Variants in MYO9A observed in about 807,000 individuals in gnomAD.
MYO9A encodes unconventional myosin-IXa.
In MYO9A, 103 loss-of-function variants were observed where a neutral mutation model predicts 293.3. That is an observed-to-expected ratio of 0.35 (90% CI 0.30 to 0.41). The LOEUF (loss-of-function observed/expected upper bound fraction) is 0.41, where lower values mean the gene tolerates loss of function less well. Ranked by LOEUF, MYO9A falls within the 10% of genes least tolerant of loss-of-function variation. The probability of loss-of-function intolerance (pLI) is 1.00; values close to 1 mark genes in which losing one functional copy is unlikely to be tolerated. For synonymous variants in MYO9A, 1,001 were observed against 1,035.7 expected, an observed-to-expected ratio of 0.97 and a Z score of 0.64; for missense variants, 2,685 against 3,033.0, an observed-to-expected ratio of 0.89 and a Z score of 2.69.
At chr15:72,052,766 C>T (rs115438406) in intron 1 of MYO9A, among the ~76,000 whole-genome samples, 2,265 of 152,304 alleles carry the variant, frequency 0.015, 55 homozygotes, top group African/African-American at 0.051. Context: ...GAGCTGCCTG[C>T]CCCGCTGCAG....
intron 2 of MYO9A, among the ~76,000 whole-genome samples, chr15:72,038,115 TCTCACCCATGTTGC>T (rs2078112720): frequency 6.6e-6 from 1 of 151,934 alleles, no homozygotes; most frequent in South Asian, 2.1e-4. Context: ...AGAGACAGGG[TCTCACCCATGTTGC>T]CTAGGCTGGT....
chr15:71,979,754 ACT>A (rs1195521253), intron 11 of MYO9A, among the ~76,000 whole-genome samples: 2 of 152,222 alleles, frequency 1.3e-5, no homozygotes, highest in Non-Finnish European at 2.9e-5. Context: ...AGTGTGCCAA[ACT>A]CTGCTACAAA....
chr15:71,970,409 T>A (rs1189321520), intron 12 of MYO9A, among the ~76,000 whole-genome samples: 1 of 152,164 alleles, frequency 6.6e-6, no homozygotes, highest in African/African-American at 2.4e-5. Flanking sequence ...ACACACTGCA[T>A]GAAGAACACA....
At chr15:71,925,391 G>A (rs183134976) in intron 18 of MYO9A, among the ~76,000 whole-genome samples, 2 of 150,394 alleles carry the variant, frequency 1.3e-5, no homozygotes, top group East Asian at 3.9e-4. Flanking sequence ...ACGTGTATAT[G>A]GATATATACG....
chr15:71,827,784 A>T, intron 41 of MYO9A, 100 bp downstream of exon 41: 1 of 1,293,474 alleles, frequency 7.7e-7, no homozygotes, highest in Non-Finnish European at 1.1e-6. Flanking sequence ...TTGCTGATGT[A>T]CAGTCAGTAA....
intron 13 of MYO9A, among the ~76,000 whole-genome samples, chr15:71,964,299 T>C (rs1399535415): frequency 6.6e-6 from 1 of 152,208 alleles, no homozygotes; most frequent in African/African-American, 2.4e-5. Context: ...ACCCTTTCTC[T>C]AATTCCTTTG....
intron 15 of MYO9A, among the ~76,000 whole-genome samples, chr15:71,941,432 C>G (rs1387902625): frequency 6.6e-6 from 1 of 152,174 alleles, no homozygotes; most frequent in African/African-American, 2.4e-5. Context: ...AAGACTCCAT[C>G]TCAAAAACAA....
At chr15:71,895,159 T>C (rs1001403968) in intron 25 of MYO9A, among the ~76,000 whole-genome samples, 1 of 152,236 alleles carries the variant, frequency 6.6e-6, no homozygotes, top group Non-Finnish European at 1.5e-5. Flanking sequence ...GTACAATGTG[T>C]ATAAGCCTAG....
At chr15:72,110,985 C>G (rs978689424) in intron 1 of MYO9A, among the ~76,000 whole-genome samples, 2 of 151,878 alleles carry the variant, frequency 1.3e-5, no homozygotes, top group Non-Finnish European at 2.9e-5. Flanking sequence ...TGGTGAAGCC[C>G]TGTCTCTACT....
intron 39 of MYO9A, among the ~76,000 whole-genome samples, chr15:71,831,830 A>G (rs2054740467): frequency 6.6e-6 from 1 of 152,242 alleles, no homozygotes; most frequent in Non-Finnish European, 1.5e-5. Flanking sequence ...CAGAAACCCT[A>G]AAAGACTCCA....
chr15:72,008,170 A>T (rs987192337), intron 7 of MYO9A, among the ~76,000 whole-genome samples: 1 of 152,186 alleles, frequency 6.6e-6, no homozygotes, highest in Non-Finnish European at 1.5e-5. Context: ...ACCACTTCTT[A>T]TATAGTCATT....
At chr15:72,084,109 T>C (rs1428432142) in intron 1 of MYO9A, among the ~76,000 whole-genome samples, 1 of 152,190 alleles carries the variant, frequency 6.6e-6, no homozygotes, top group Non-Finnish European at 1.5e-5. Flanking sequence ...TCTCCCACTA[T>C]TATGGTGTAG....
chr15:71,880,082 C>G (rs1378793536), intron 29 of MYO9A, among the ~76,000 whole-genome samples: 1 of 152,208 alleles, frequency 6.6e-6, no homozygotes, highest in African/African-American at 2.4e-5. Context: ...CCGTGTGCAA[C>G]AAGCTGTACC....
chr15:71,883,678 T>C lies in MYO9A; in HGVS notation c.5314A>G (p.Thr1772Ala), dbSNP rs145437271. 4.3e-6 allele frequency: 7 copies of C among 1,613,472 alleles called. No homozygotes were observed. The Admixed American group carries it at 1.0e-4, about 23-fold the overall frequency. Reference protein sequence around the residue: ...AKGKQGEKKTTRVKPTTQSEV... With the variant: ...AKGKQGEKKTARVKPTTQSEV... The stretch of plus-strand genomic sequence containing the variant: ...GACTGGGTAGTAGGTTTCACTCTGG[T>C]AGTCTTCTTCTCCCCTTGTTTCCCT... The change falls in exon 28 of 42, where the codon ACC becomes GCC. Residue 1772 changes from threonine (T) to alanine (A), a missense_variant. Coordinates refer to ENST00000356056, the MANE Select transcript of MYO9A (RefSeq NM_006901.4).
At chr15:72,103,471 CAGA>C (rs2080455891) in intron 1 of MYO9A, among the ~76,000 whole-genome samples, 1 of 148,754 alleles carries the variant, frequency 6.7e-6, no homozygotes, top group East Asian at 2.0e-4. Flanking sequence ...GAAGCAGCAG[CAGA>C]AGCAGAAGCA....
At chr15:71,876,656 G>A (rs555422095) in intron 31 of MYO9A, among the ~76,000 whole-genome samples, 6 of 149,974 alleles carry the variant, frequency 4.0e-5, no homozygotes, top group Admixed American at 3.3e-4. Flanking sequence ...GTCTGGTCTC[G>A]ATCTCCCGAC....
intron 1 of MYO9A, among the ~76,000 whole-genome samples, chr15:72,101,859 G>A (rs2080349152): frequency 6.6e-6 from 1 of 151,776 alleles, no homozygotes; most frequent in South Asian, 2.1e-4. Context: ...CCGTCCGGGA[G>A]GGAGGTGGGG....
At chr15:71,855,787 A>G (rs2055841573) in intron 34 of MYO9A, among the ~76,000 whole-genome samples, 1 of 152,094 alleles carries the variant, frequency 6.6e-6, no homozygotes, top group Non-Finnish European at 1.5e-5. Flanking sequence ...CCCCATATTC[A>G]TATGTCTCCT....
rs753755165 is a variant in MYO9A at position 71,978,194 on chromosome 15, A to T, written c.1821T>A (p.Leu607=). 3.7e-6 allele frequency: 6 copies of T among 1,612,884 alleles called. No individual in the cohort carries two copies. The highest frequency in any genetic ancestry group is 3.3e-5 in the Admixed American group (2 of 59,880). ...NLISKKPTGL[L]HLLDEESNFP... ...ACTTGCTTTCTTCATCCAAAAGATG[A>T]AGCAGTCCTGTTGGTTTTTTGCTAA... Residue 607 remains leucine, a synonymous_variant, in exon 12 of 42, where the codon CTT becomes CTA. Transcript: ENST00000356056.
Sources: allele counts gnomAD v4.1 joint callset (sites outside exome capture counted in the v4.1 genomes callset), GRCh38; gene constraint gnomAD v4.1.1; transcripts MANE v1.5; gene names NCBI Gene and HGNC (gene_info 2026-07-23, HGNC 2026-07-21).